OSBPL6: variants seen among roughly 807,000 people sequenced by gnomAD.
The protein encoded by OSBPL6 is oxysterol-binding protein-related protein 6.
OSBPL6 carries 49 observed loss-of-function variants against 125.8 expected under a neutral mutation model. That is an observed-to-expected ratio of 0.39 (90% CI 0.31 to 0.49). OSBPL6 has a LOEUF of 0.49. Ranked by LOEUF, OSBPL6 falls within the 20% of genes least tolerant of loss-of-function variation. The probability of loss-of-function intolerance (pLI) is 0.88; values close to 1 mark genes in which losing one functional copy is unlikely to be tolerated. For synonymous variants in OSBPL6, 394 were observed against 391.8 expected (o/e 1.01, Z -0.07); for missense variants, 986 against 1,135.4 (o/e 0.87, Z 1.89).
chr2:178,299,394 T>C (rs1475026078), intron 2 of OSBPL6, among the ~76,000 whole-genome samples: 2 of 152,244 alleles, frequency 1.3e-5, no homozygotes, highest in African/African-American at 4.8e-5. Context: ...ACTACTACTA[T>C]TAACCAGGGA....
At chr2:178,238,991 T>C (rs188013802) in intron 1 of OSBPL6, among the ~76,000 whole-genome samples, 112 of 152,352 alleles carry the variant, frequency 7.4e-4, no homozygotes, top group African/African-American at 2.6e-3. Flanking sequence ...TCCAGGCTTA[T>C]GTGTCCTTTT....
chr2:178,197,723 C>T (rs1392366135), intron 1 of OSBPL6, among the ~76,000 whole-genome samples: 3 of 151,966 alleles, frequency 2.0e-5, no homozygotes, highest in East Asian at 1.9e-4. Context: ...TACCTATTCT[C>T]AGAACCAGAT....
At chr2:178,379,379 A>G (rs1230437335) in intron 15 of OSBPL6, among the ~76,000 whole-genome samples, 6 of 146,988 alleles carry the variant, frequency 4.1e-5, no homozygotes, top group Admixed American at 3.4e-4. Flanking sequence ...GGGAGGGAGG[A>G]AAAGGAGAAA....
intron 1 of OSBPL6, among the ~76,000 whole-genome samples, chr2:178,221,895 A>G (rs2090355513): frequency 6.6e-6 from 1 of 152,210 alleles, no homozygotes; most frequent in African/African-American, 2.4e-5. Flanking sequence ...TGTCACAGGC[A>G]TAGCCTTTAT....
chr2:178,306,344 A>G lies in OSBPL6; in HGVS notation c.102+58A>G, dbSNP rs114241688. 385 of 1,026,238 alleles carry G rather than the reference A, an allele frequency of 3.8e-4. 3 individuals carry two copies. In the African/African-American group the frequency reaches 5.4e-3, roughly 14 times the overall value. 63.6% of individuals were successfully genotyped at this position (1,026,238 alleles called of 1,614,324 possible). A position where few individuals can be genotyped will look rare whatever the true frequency, so the allele number is the denominator to read the frequency against. On this transcript the variant is annotated intron_variant, in intron 3 of 24. Transcript: ENST00000190611. The stretch of plus-strand genomic sequence containing the variant: ...TTTATGCAAATGCAATACCACTGAG[A>G]TAGGATGGGGTTGCTAATTAATTCT...
rs2153986558 is a variant in OSBPL6, at chr2:178,237,960, T to G, written c.-351+43286T>G. 2.6e-5 allele frequency among the ~76,000 whole-genome samples: 4 copies of G among 152,314 alleles called. No individual in the cohort carries two copies. In the East Asian group the frequency reaches 7.7e-4, roughly 29 times the overall value. ...TCCTGAGTTAGGTTTCTGACAATACTCATTACTGGAAAATGCTCTGAGAGG... is the reference window on the plus strand; with the variant it reads ...TCCTGAGTTAGGTTTCTGACAATACGCATTACTGGAAAATGCTCTGAGAGG... On this transcript the variant is annotated intron_variant, in intron 1 of 24. Coordinates refer to ENST00000190611, the MANE Select transcript of OSBPL6 (RefSeq NM_032523.4).
chr2:178,325,469 C>A (rs1361557569), intron 4 of OSBPL6, among the ~76,000 whole-genome samples: 1 of 152,142 alleles, frequency 6.6e-6, no homozygotes, highest in African/African-American at 2.4e-5. Context: ...AGTTATTAAA[C>A]TATAAAACAT....
intron 1 of OSBPL6, among the ~76,000 whole-genome samples, chr2:178,245,888 C>T (rs1019774318): frequency 6.6e-6 from 1 of 152,172 alleles, no homozygotes; most frequent in Non-Finnish European, 1.5e-5. Flanking sequence ...CATAGTACAT[C>T]CTATAGGAAT....
intron 3 of OSBPL6, chr2:178,320,219 A>G (rs1688119762): frequency 3.2e-6 from 5 of 1,558,604 alleles, no homozygotes; most frequent in African/African-American, 1.4e-5. Flanking sequence ...TACCAAGTAA[A>G]CTAGACTACA....
At chr2:178,263,415 T>C (rs1217209922) in intron 1 of OSBPL6, among the ~76,000 whole-genome samples, 1 of 151,948 alleles carries the variant, frequency 6.6e-6, no homozygotes, top group African/African-American at 2.4e-5. Flanking sequence ...AAGGCGGAGG[T>C]TGCAGTGAGC....
Position 178,391,070 on chromosome 2 carries a change from C to T in OSBPL6, c.2302-3C>T. On this transcript the variant is annotated splice_polypyrimidine_tract_variant and splice_region_variant and intron_variant, in intron 21 of 24. Coordinates refer to ENST00000190611, the MANE Select transcript of OSBPL6 (RefSeq NM_032523.4). ...TGTCACAATTGGGGTTTGGTTTTTC[C>T]AGGTGAATTATTGGAATTCTAACAT... 1 of 1,612,470 alleles carries T rather than the reference C, an allele frequency of 6.2e-7. No homozygotes were observed. Among genetic ancestry groups the T allele is most frequent in the Non-Finnish European group, 8.5e-7 (1 of 1,179,360 alleles).
chr2:178,332,827 A>C, intron 7 of OSBPL6, 44 bp from the exon 8 acceptor site: 1 of 1,608,712 alleles, frequency 6.2e-7, no homozygotes, highest in Non-Finnish European at 8.5e-7. Flanking sequence ...GGTAGGCAGG[A>C]GAGTTATTTT....
chr2:178,399,071 A>G lies in OSBPL6; in HGVS notation c.*3512A>G, dbSNP rs1455626239. 3 of 151,976 alleles carry G rather than the reference A, an allele frequency of 2.0e-5. No individual in the cohort carries two copies. Among genetic ancestry groups the G allele is most frequent in the Non-Finnish European group, 4.4e-5 (3 of 68,022 alleles). 9.4% of individuals were successfully genotyped at this position (151,976 alleles called of 1,614,324 possible). ...TAAATGTTTGCACTTGGCCCAGTATATTATGAATGTGGCACAGTAAATAAA... is the reference window on the plus strand; with the variant it reads ...TAAATGTTTGCACTTGGCCCAGTATGTTATGAATGTGGCACAGTAAATAAA... On this transcript the variant is annotated 3_prime_UTR_variant, in exon 25 of 25. Transcript: ENST00000190611.
chr2:178,263,782 G>A (rs1398851853), intron 1 of OSBPL6, among the ~76,000 whole-genome samples: 1 of 149,936 alleles, frequency 6.7e-6, no homozygotes, highest in Non-Finnish European at 1.5e-5. Flanking sequence ...TCTGAGGACC[G>A]GCAGAGACAC....
At chr2:178,251,313 A>T (rs1309147720) in intron 1 of OSBPL6, among the ~76,000 whole-genome samples, 3 of 150,216 alleles carry the variant, frequency 2.0e-5, no homozygotes. Context: ...TAAGCCGTCT[A>T]CTCTGTCAGT....
At chr2:178,344,045 A>G (rs191088152) in intron 11 of OSBPL6, among the ~76,000 whole-genome samples, 4 of 152,156 alleles carry the variant, frequency 2.6e-5, no homozygotes, top group Admixed American at 2.0e-4. Context: ...TTATAACTCC[A>G]TCTCCTTTTG....
intron 1 of OSBPL6, among the ~76,000 whole-genome samples, chr2:178,224,072 T>A (rs1424060021): frequency 6.6e-6 from 1 of 152,202 alleles, no homozygotes; most frequent in East Asian, 1.9e-4. Context: ...GGAGGAACTC[T>A]GTCCTTGGAG....
Position 178,308,062 on chromosome 2 carries a change from C to T in OSBPL6, c.102+1776C>T, listed in dbSNP as rs117309423. Among the ~76,000 whole-genome samples the T allele has an allele frequency of 8.0e-4, 122 of 152,226 alleles. 1 individual carries two copies. In the East Asian group the frequency reaches 0.02, roughly 25 times the overall value. The stretch of plus-strand genomic sequence containing the variant: ...TAATGAGTTCTAGAAAAGTAAGAGA[C>T]GCTTTTCAAAGGGTTATTATTCTTT... On this transcript the variant is annotated intron_variant, in intron 3 of 24. Transcript: ENST00000190611.
chr2:178,369,933 A>G (rs1380970510), intron 13 of OSBPL6, among the ~76,000 whole-genome samples: 4 of 152,100 alleles, frequency 2.6e-5, no homozygotes, highest in African/African-American at 9.7e-5. Flanking sequence ...CTTTGGAGGA[A>G]CCATTATTTG....
Sources: gnomAD v4.1 joint callset for allele counts (sites outside exome capture counted in the v4.1 genomes callset) on GRCh38, gnomAD v4.1.1 for gene constraint, MANE v1.5 for transcripts, NCBI Gene and HGNC (gene_info 2026-07-23, HGNC 2026-07-21) for gene names.